MYO1H: variants seen among roughly 807,000 people sequenced by gnomAD.
MYO1H encodes unconventional myosin-Ih.
A neutral mutation model predicts 149.3 loss-of-function variants in MYO1H; 118 were observed. The ratio of observed to expected loss-of-function variants is 0.79; its 90% CI spans 0.68 to 0.92. The LOEUF is 0.92. Among genes scored for constraint, MYO1H ranks in the 40% least tolerant of loss-of-function variants. The pLI, the probability that MYO1H is intolerant of heterozygous loss-of-function variation, is 0.00. For missense variants in MYO1H, 1,212 were observed against 1,280.7 expected, an observed-to-expected ratio of 0.95 and a Z score of 0.82; for synonymous variants, 447 against 465.2, an observed-to-expected ratio of 0.96 and a Z score of 0.50.
At chr12:109,442,119 T>C (rs1872161526) in intron 26 of MYO1H, 98 bp from the exon 27 acceptor site, 2 of 990,484 alleles carry the variant, frequency 2.0e-6, no homozygotes, top group Non-Finnish European at 1.6e-6. Context: ...CCTGAGATCT[T>C]AGCACAGAGA....
Position 109,384,301 on chromosome 12 carries a change from A to G in MYO1H, c.13-4382A>G, listed in dbSNP as rs1409586606. On this transcript the variant is annotated intron_variant, in intron 1 of 31. Transcript: ENST00000310903. ...TGGTTATGCACAGTTAGGATCCTCC[A>G]CAGTTTTATCACCCCAAAGATGGAG... is the stretch of plus-strand genomic sequence containing the variant. Among the ~76,000 whole-genome samples, 5 of 152,184 alleles carry G rather than the reference A, an allele frequency of 3.3e-5. No individual in the cohort carries two copies. In the East Asian group the frequency reaches 9.6e-4, roughly 29 times the overall value.
intron 1 of MYO1H, among the ~76,000 whole-genome samples, chr12:109,361,199 C>T (rs1285883878): frequency 5.3e-5 from 8 of 152,172 alleles, no homozygotes. Context: ...ATAACCCACA[C>T]ACTGAAAAGT....
At chr12:109,369,551 A>T (rs1868938863) in intron 1 of MYO1H, among the ~76,000 whole-genome samples, 1 of 152,144 alleles carries the variant, frequency 6.6e-6, no homozygotes, top group South Asian at 2.1e-4. Flanking sequence ...AATATTTAAA[A>T]ATCTCTCTCT....
chr12:109,376,236 G>A (rs1869085308), intron 1 of MYO1H, among the ~76,000 whole-genome samples: 1 of 152,138 alleles, frequency 6.6e-6, no homozygotes, highest in African/African-American at 2.4e-5. Context: ...GAAATTTCAT[G>A]CCCTTTAGCA....
the MYO1H span, among the ~76,000 whole-genome samples, chr12:109,342,305 C>G: frequency 1.3e-5 from 2 of 151,636 alleles, no homozygotes; most frequent in Non-Finnish European, 2.9e-5. Flanking sequence ...CCACCACGCT[C>G]AGCTAATTTT....
At chr12:109,348,237 C>T (rs530360486) in intron 1 of MYO1H, among the ~76,000 whole-genome samples, 2 of 152,320 alleles carry the variant, frequency 1.3e-5, no homozygotes, top group African/African-American at 2.4e-5. Context: ...TCTAGAACAG[C>T]GTGCTGTGCA....
At chr12:109,386,879 CTCTCA>C (rs1328897241) in intron 1 of MYO1H, among the ~76,000 whole-genome samples, 4 of 152,034 alleles carry the variant, frequency 2.6e-5, no homozygotes, top group Non-Finnish European at 5.9e-5. Flanking sequence ...TTCTTCCTGG[CTCTCA>C]TCTAAGAAAA....
chr12:109,446,599 C>T (rs1872489795), intron 31 of MYO1H: 1 of 274,500 alleles, frequency 3.6e-6, no homozygotes, highest in African/African-American at 2.3e-5. Context: ...TCCGTCTCTA[C>T]TAAAAATACA....
chr12:109,339,556 T>C, the MYO1H span, among the ~76,000 whole-genome samples: 31,127 of 152,092 alleles, frequency 0.2, 5,006 homozygotes, highest in African/African-American at 0.44. Context: ...TAAATAATGT[T>C]GAAGGGCAAG....
At chr12:109,368,075 C>T (rs1287126889) in intron 1 of MYO1H, among the ~76,000 whole-genome samples, 2 of 152,178 alleles carry the variant, frequency 1.3e-5, no homozygotes, top group South Asian at 2.1e-4. Flanking sequence ...TTGTCTTGAC[C>T]TAGCAATTCC....
chr12:109,432,454 A>G (rs1226051315), intron 19 of MYO1H, among the ~76,000 whole-genome samples: 1 of 152,090 alleles, frequency 6.6e-6, no homozygotes, highest in Non-Finnish European at 1.5e-5. Context: ...CTGGTACTAG[A>G]CTATGTTTGT....
At chr12:109,411,842 G>T in intron 13 of MYO1H, 52 bp from the exon 14 acceptor site, 1 of 1,300,422 alleles carries the variant, frequency 7.7e-7, no homozygotes, top group Non-Finnish European at 1.1e-6. Flanking sequence ...TTTAAACTTG[G>T]CATTGATGGA....
At chr12:109,352,537 G>A (rs11066368) in intron 1 of MYO1H, among the ~76,000 whole-genome samples, 66,888 of 151,986 alleles carry the variant, frequency 0.44, 15,405 homozygotes, top group African/African-American at 0.56. Context: ...TACATCTTGC[G>A]TGTCTCGTTA....
chr12:109,369,707 T>C (rs1249462526), intron 1 of MYO1H, among the ~76,000 whole-genome samples: 1 of 152,238 alleles, frequency 6.6e-6, no homozygotes, highest in African/African-American at 2.4e-5. Flanking sequence ...TGTCTTTGCC[T>C]ATGCATTGGC....
chr12:109,437,528 A>T (rs73194256), intron 22 of MYO1H, among the ~76,000 whole-genome samples: 7,996 of 152,256 alleles, frequency 0.053, 298 homozygotes, highest in Middle Eastern at 0.085. Context: ...TATGGTCTCC[A>T]TCGCAGTAAC....
At chr12:109,435,382 T>G (rs1871817406) in intron 21 of MYO1H, among the ~76,000 whole-genome samples, 1 of 152,190 alleles carries the variant, frequency 6.6e-6, no homozygotes, top group Non-Finnish European at 1.5e-5. Context: ...ACTACTAGGG[T>G]GTAAAACCGT....
chr12:109,393,212 G>C, intron 2 of MYO1H, 119 bp from the exon 3 acceptor site: 1 of 672,670 alleles, frequency 1.5e-6, no homozygotes, highest in Non-Finnish European at 2.7e-6. Context: ...TCCCAGCAGA[G>C]ACCCCGCCTG....
At chr12:109,320,604 A>G in the MYO1H span, among the ~76,000 whole-genome samples, 1 of 141,102 alleles carries the variant, frequency 7.1e-6, no homozygotes, top group Non-Finnish European at 1.5e-5. Context: ...AGCCTGGGCA[A>G]CAGAGCATGA....
chr12:109,312,532 G>A, the MYO1H span, among the ~76,000 whole-genome samples: 12 of 152,206 alleles, frequency 7.9e-5, no homozygotes, highest in South Asian at 2.1e-4. Flanking sequence ...ACCACGGCCC[G>A]GCCTAGAAGT....
Sources: gnomAD v4.1 joint callset for allele counts (sites outside exome capture counted in the v4.1 genomes callset) on GRCh38, gnomAD v4.1.1 for gene constraint, MANE v1.5 for transcripts, NCBI Gene and HGNC (gene_info 2026-07-23, HGNC 2026-07-21) for gene names.